Variants in ZDHHC2 observed in about 807,000 individuals in gnomAD.
ZDHHC2 encodes zDHHC palmitoyltransferase 2.
In ZDHHC2, 51 loss-of-function variants were observed where a neutral mutation model predicts 55.6. That is an observed-to-expected ratio of 0.92 (90% CI 0.73 to 1.16). The LOEUF (loss-of-function observed/expected upper bound fraction) is 1.16, where lower values mean the gene tolerates loss of function less well. ZDHHC2 is among the 50% of genes most tolerant of loss of function. The pLI, the probability that ZDHHC2 is intolerant of heterozygous loss-of-function variation, is 0.00. For synonymous variants in ZDHHC2, 199 were observed against 152.9 expected (o/e 1.30, Z -2.22); for missense variants, 491 against 442.4 (o/e 1.11, Z -0.99).
At chr8:17,208,163 T>A in intron 8 of ZDHHC2, 71 bp downstream of exon 8, 1 of 1,410,398 alleles carries the variant, frequency 7.1e-7, no homozygotes, top group South Asian at 1.6e-5. Flanking sequence ...AGTTGCTATG[T>A]GATTAAATGC....
intron 1 of ZDHHC2, among the ~76,000 whole-genome samples, chr8:17,182,650 A>G (rs947720537): frequency 1.6e-5 from 2 of 125,826 alleles, no homozygotes; most frequent in Admixed American, 7.3e-5. Flanking sequence ...GTGAATGGCA[A>G]TAATAATAAT....
intron 1 of ZDHHC2, among the ~76,000 whole-genome samples, chr8:17,171,576 C>T (rs1341749471): frequency 2.6e-5 from 4 of 152,002 alleles, no homozygotes; most frequent in South Asian, 2.1e-4. Flanking sequence ...ACAAACATTC[C>T]GTGAATGTTT....
At position 17,223,435 on chromosome 8, in the gene ZDHHC2, AAT is replaced by A. The variant is rs147929139; in HGVS notation, c.*3217_*3218del. Reference sequence around the variant, plus strand: ...GATTTTTCACAAATAACACGTGTTTAATATCTTTCTGCAGAAACGTGTTCTTC... The same window carrying A: ...GATTTTTCACAAATAACACGTGTTTAATCTTTCTGCAGAAACGTGTTCTTC... On this transcript the variant is annotated 3_prime_UTR_variant, in exon 13 of 13. Coordinates refer to ENST00000262096, the MANE Select transcript of ZDHHC2 (RefSeq NM_016353.5). The A allele has an allele frequency of 6.6e-6, 1 of 152,046 alleles. No homozygotes were observed. Among genetic ancestry groups the A allele is most frequent in the African/African-American group, 2.4e-5 (1 of 41,580 alleles). The allele number at this position is 152,046 out of a possible 1,614,324, so 9.4% of individuals were successfully genotyped here.
At chr8:17,192,480 T>G (rs1806083692) in intron 3 of ZDHHC2, among the ~76,000 whole-genome samples, 1 of 152,222 alleles carries the variant, frequency 6.6e-6, no homozygotes, top group South Asian at 2.1e-4. Context: ...TTAGATTTTT[T>G]TCCTATAGAG....
chr8:17,157,103 C>T (rs1242058703), intron 1 of ZDHHC2, among the ~76,000 whole-genome samples: 3 of 152,056 alleles, frequency 2.0e-5, no homozygotes, highest in Non-Finnish European at 4.4e-5. Context: ...CCGAGCCTCC[C>T]GCCGCCTTCC....
intron 6 of ZDHHC2, among the ~76,000 whole-genome samples, chr8:17,199,567 C>CTTTA: frequency 2.7e-5 from 1 of 36,422 alleles, no homozygotes; most frequent in African/African-American, 4.3e-5. Context: ...TCGTCTTCTT[C>CTTTA]GTCTTTGTCT....
At chr8:17,217,064 G>T in intron 11 of ZDHHC2, 108 bp from the exon 12 acceptor site, 1 of 997,154 alleles carries the variant, frequency 1.0e-6, no homozygotes, top group Non-Finnish European at 1.5e-6. Flanking sequence ...TATGTACAAG[G>T]CACCTTTGGA....
At chr8:17,156,928 C>T (rs1188639248) in intron 1 of ZDHHC2, 75 bp downstream of exon 1, 2 of 1,348,322 alleles carry the variant, frequency 1.5e-6, no homozygotes, top group Middle Eastern at 1.9e-4. Flanking sequence ...CTCAGCCGCT[C>T]CTCCGCTCTC....
intron 1 of ZDHHC2, among the ~76,000 whole-genome samples, chr8:17,172,321 G>A (rs1021088593): frequency 3.9e-5 from 6 of 152,090 alleles, no homozygotes; most frequent in South Asian, 2.1e-4. Context: ...CTTTTAATTC[G>A]TCTCAAAGTG....
intron 6 of ZDHHC2, among the ~76,000 whole-genome samples, chr8:17,199,828 C>T (rs1203563689): frequency 6.7e-6 from 1 of 148,610 alleles, no homozygotes; most frequent in African/African-American, 2.5e-5. Flanking sequence ...AGCGTGATCT[C>T]AGCTCACTGC....
chr8:17,174,854 G>A (rs1272512666), intron 1 of ZDHHC2, among the ~76,000 whole-genome samples: 8 of 151,708 alleles, frequency 5.3e-5, no homozygotes, highest in Non-Finnish European at 1.2e-4. Context: ...GGCATCACAG[G>A]TGTGCGCCAC....
chr8:17,201,595 C>A (rs1487416912), intron 6 of ZDHHC2, among the ~76,000 whole-genome samples: 2 of 144,878 alleles, frequency 1.4e-5, no homozygotes, highest in Non-Finnish European at 1.5e-5. Flanking sequence ...TGGGTTCATG[C>A]CATTCTCCTG....
intron 3 of ZDHHC2, among the ~76,000 whole-genome samples, chr8:17,186,775 G>T (rs145459935): frequency 2.1e-3 from 326 of 152,270 alleles, no homozygotes; most frequent in African/African-American, 7.4e-3. Flanking sequence ...GTATTAGTTG[G>T]TTATCAGCCA....
At chr8:17,214,935 A>T (rs767227228) in intron 10 of ZDHHC2, among the ~76,000 whole-genome samples, 19 of 152,148 alleles carry the variant, frequency 1.2e-4, no homozygotes, top group Non-Finnish European at 2.4e-4. Flanking sequence ...AAATACTGTT[A>T]TTAAGTTCTA....
At chr8:17,167,581 C>T (rs1339516251) in intron 1 of ZDHHC2, among the ~76,000 whole-genome samples, 1 of 152,012 alleles carries the variant, frequency 6.6e-6, no homozygotes, top group African/African-American at 2.4e-5. Flanking sequence ...TAGGCGTGAG[C>T]CACCACGCCC....
intron 12 of ZDHHC2, among the ~76,000 whole-genome samples, chr8:17,219,274 AAAAAC>A (rs1807799657): frequency 1.3e-5 from 2 of 150,856 alleles, no homozygotes; most frequent in African/African-American, 2.4e-5. Context: ...AAAAAAAAAA[AAAAAC>A]AGAAAAAAAA....
At chr8:17,183,443 A>G (rs1805538343) in intron 1 of ZDHHC2, among the ~76,000 whole-genome samples, 1 of 152,208 alleles carries the variant, frequency 6.6e-6, no homozygotes, top group Non-Finnish European at 1.5e-5. Context: ...GCAAACTCTG[A>G]CTAGCCTCTG....
At chr8:17,194,663 A>G (rs951764410) in intron 3 of ZDHHC2, among the ~76,000 whole-genome samples, 1 of 152,106 alleles carries the variant, frequency 6.6e-6, no homozygotes, top group Non-Finnish European at 1.5e-5. Context: ...AGATTGTTTT[A>G]TGTTGTTCAG....
intron 10 of ZDHHC2, among the ~76,000 whole-genome samples, chr8:17,212,195 A>T (rs1053857103): frequency 6.6e-6 from 1 of 152,006 alleles, no homozygotes; most frequent in Non-Finnish European, 1.5e-5. Flanking sequence ...ACTATCTCCC[A>T]TGTTGAGCCC....
Sources: gnomAD v4.1 joint callset for allele counts (sites outside exome capture counted in the v4.1 genomes callset) on GRCh38, gnomAD v4.1.1 for gene constraint, MANE v1.5 for transcripts, NCBI Gene and HGNC (gene_info 2026-07-23, HGNC 2026-07-21) for gene names.